Variants in IL15 observed in about 807,000 individuals in gnomAD.
The protein encoded by IL15 is interleukin-15.
IL15 carries 11 observed loss-of-function variants against 19.6 expected under a neutral mutation model. The observed-to-expected ratio is 0.56, with a 90% CI of 0.35 to 0.93. IL15 has a LOEUF of 0.93. IL15 is among the 40% of genes least tolerant of loss of function. The pLI is 0.01. For missense variants in IL15, 197 were observed against 186.5 expected, an observed-to-expected ratio of 1.06 and a Z score of -0.33; for synonymous variants, 58 against 59.6, an observed-to-expected ratio of 0.97 and a Z score of 0.12.
At chr4:141,699,670 C>T (rs1444872938) in intron 2 of IL15, among the ~76,000 whole-genome samples, 1 of 152,128 alleles carries the variant, frequency 6.6e-6, no homozygotes, top group African/African-American at 2.4e-5. Flanking sequence ...TTTCCACTTG[C>T]ATGGAATATC....
At chr4:141,719,172 A>G in intron 2 of IL15, 194 bp from the exon 3 acceptor site, 1 of 284,956 alleles carries the variant, frequency 3.5e-6, no homozygotes, top group African/African-American at 2.2e-5. Context: ...TGTACTTGCT[A>G]TGGGCCTAGA....
intron 2 of IL15, among the ~76,000 whole-genome samples, chr4:141,692,602 ACT>A (rs1481366436): frequency 1.3e-5 from 2 of 151,894 alleles, no homozygotes; most frequent in African/African-American, 2.4e-5. Flanking sequence ...CCCTAAATCA[ACT>A]CTCTCAAGTT....
intron 2 of IL15, among the ~76,000 whole-genome samples, chr4:141,673,290 TTTCA>T (rs1728235068): frequency 6.6e-6 from 1 of 152,206 alleles, no homozygotes; most frequent in Non-Finnish European, 1.5e-5. Flanking sequence ...TGACCTATCT[TTTCA>T]TTGTGTACAA....
intron 2 of IL15, among the ~76,000 whole-genome samples, chr4:141,695,088 T>G (rs1729047356): frequency 6.6e-6 from 1 of 152,032 alleles, no homozygotes; most frequent in Admixed American, 6.6e-5. Context: ...TTTTTAAAAT[T>G]TAACCCAATT....
At chr4:141,638,725 G>C (rs1023346937) in intron 1 of IL15, among the ~76,000 whole-genome samples, 3 of 152,162 alleles carry the variant, frequency 2.0e-5, no homozygotes, top group African/African-American at 7.2e-5. Flanking sequence ...AAGCCTACGG[G>C]ATACTCCATC....
chr4:141,726,259 C>T (rs1730262099), intron 5 of IL15, among the ~76,000 whole-genome samples: 1 of 152,004 alleles, frequency 6.6e-6, no homozygotes, highest in Non-Finnish European at 1.5e-5. Context: ...ATAAAAGGCA[C>T]ACAGATTGGA....
chr4:141,665,914 T>C (rs1376785269), intron 2 of IL15, among the ~76,000 whole-genome samples: 1 of 152,084 alleles, frequency 6.6e-6, no homozygotes, highest in African/African-American at 2.4e-5. Context: ...AGTATATGTC[T>C]TTTGTTAAAG....
At position 141,689,048 on chromosome 4, in the gene IL15, G is replaced by C. The variant is rs138242001; in HGVS notation, c.-99-30318G>C. On this transcript the variant is annotated intron_variant, in intron 2 of 7. Transcript: ENST00000320650. The stretch of plus-strand genomic sequence containing the variant: ...ACAGACCTTCGCGGTGAGTGTTACA[G>C]CTCTTAAGGTGGCGCATCTGGAGTT... 1,404 of 154,402 alleles carry C rather than the reference G, an allele frequency of 9.1e-3. 7 individuals carry two copies. Among genetic ancestry groups the C allele is most frequent in the Middle Eastern group, 0.029 (9 of 314 alleles). The allele number at this position is 154,402 out of a possible 1,614,324, so 9.6% of individuals were successfully genotyped here.
intron 2 of IL15, among the ~76,000 whole-genome samples, chr4:141,708,407 T>C (rs1004864979): frequency 6.6e-6 from 1 of 152,122 alleles, no homozygotes; most frequent in Non-Finnish European, 1.5e-5. Context: ...TAAGAAGCCA[T>C]TGAGCTCTAT....
chr4:141,666,002 G>C (rs1727958411), intron 2 of IL15, among the ~76,000 whole-genome samples: 1 of 152,028 alleles, frequency 6.6e-6, no homozygotes, highest in South Asian at 2.1e-4. Flanking sequence ...ACAGCCTTTT[G>C]TCATAATGTT....
intron 5 of IL15, among the ~76,000 whole-genome samples, chr4:141,725,518 C>A (rs1730227731): frequency 6.6e-6 from 1 of 152,122 alleles, no homozygotes; most frequent in African/African-American, 2.4e-5. Flanking sequence ...AGACCTCTAG[C>A]CTCCTGAATT....
chr4:141,650,256 G>T (rs182135747), intron 1 of IL15, among the ~76,000 whole-genome samples: 5 of 152,142 alleles, frequency 3.3e-5, no homozygotes, highest in Non-Finnish European at 7.4e-5. Context: ...GTAGCTATTT[G>T]GACATAATGG....
At chr4:141,665,098 C>T (rs557157361) in intron 2 of IL15, among the ~76,000 whole-genome samples, 2 of 151,892 alleles carry the variant, frequency 1.3e-5, no homozygotes, top group Non-Finnish European at 2.9e-5. Context: ...GGAACCAGTA[C>T]ATTTTATCAT....
chr4:141,706,702 G>A (rs990803220), intron 2 of IL15, among the ~76,000 whole-genome samples: 2 of 149,672 alleles, frequency 1.3e-5, no homozygotes, highest in Non-Finnish European at 3.0e-5. Flanking sequence ...AGTGTTCTTG[G>A]CTGATTTTTT....
In IL15 at chr4:141,697,892, A is replaced by G. The variant is rs1729155602; in HGVS notation, c.-99-21474A>G. Among the ~76,000 whole-genome samples, 7 of 152,036 alleles carry G rather than the reference A, an allele frequency of 4.6e-5. No homozygotes were observed. In the South Asian group the frequency reaches 1.5e-3, roughly 32 times the overall value. On this transcript the variant is annotated intron_variant, in intron 2 of 7. Coordinates refer to ENST00000320650, the MANE Select transcript of IL15 (RefSeq NM_000585.5). ...TACTATGTTAAATAGAAATGGTGAA[A>G]GTGAGCATCCTTGTCTTGTTCCAGT... is the stretch of plus-strand genomic sequence containing the variant.
chr4:141,637,561 T>G (rs760911392), intron 1 of IL15, among the ~76,000 whole-genome samples: 1 of 152,034 alleles, frequency 6.6e-6, no homozygotes, highest in South Asian at 2.1e-4. Flanking sequence ...ATCCAGCCAA[T>G]TTTTTCAAGT....
chr4:141,671,411 G>C (rs532389928), intron 2 of IL15, among the ~76,000 whole-genome samples: 1 of 152,300 alleles, frequency 6.6e-6, no homozygotes, highest in African/African-American at 2.4e-5. Context: ...TGAATCTCGT[G>C]ATTTAAAATT....
At chr4:141,723,835 A>T (rs1490747025) in intron 5 of IL15, among the ~76,000 whole-genome samples, 1 of 152,168 alleles carries the variant, frequency 6.6e-6, no homozygotes, top group African/African-American at 2.4e-5. Flanking sequence ...CGAAGACTCA[A>T]AATTTGTGAA....
chr4:141,720,417 C>A, intron 3 of IL15, 52 bp from the exon 4 acceptor site: 1 of 909,986 alleles, frequency 1.1e-6, no homozygotes, highest in South Asian at 1.4e-5. Context: ...TATTTTAAAC[C>A]TCACTTTTTA....
Sources: allele counts gnomAD v4.1 joint callset (sites outside exome capture counted in the v4.1 genomes callset), GRCh38; gene constraint gnomAD v4.1.1; transcripts MANE v1.5; gene names NCBI Gene and HGNC (gene_info 2026-07-23, HGNC 2026-07-21).